Variants in ZSCAN18 observed in about 807,000 individuals in gnomAD.
The protein encoded by ZSCAN18 is zinc finger and SCAN domain-containing protein 18.
ZSCAN18 carries 16 observed loss-of-function variants against 31.1 expected under a neutral mutation model. The ratio of observed to expected loss-of-function variants is 0.51; its 90% CI spans 0.35 to 0.78. The LOEUF (loss-of-function observed/expected upper bound fraction) is 0.78. Among genes scored for constraint, ZSCAN18 ranks in the 30% least tolerant of loss-of-function variants. The pLI, the probability that ZSCAN18 is intolerant of heterozygous loss-of-function variation, is 0.01. For synonymous variants in ZSCAN18, 375 were observed against 320.7 expected, an observed-to-expected ratio of 1.17 and a Z score of -1.81; for missense variants, 731 against 697.4, an observed-to-expected ratio of 1.05 and a Z score of -0.54.
upstream of ZSCAN18, among the ~76,000 whole-genome samples, chr19:58,099,967 T>TTG (rs1387302579): frequency 4.7e-5 from 7 of 149,376 alleles, no homozygotes; most frequent in Non-Finnish European, 8.9e-5. Context: ...AAGCTATGTT[T>TTG]TTTTTTTTTT....
At chr19:58,114,842 T>C (rs2074717169) in intron 1 of ZSCAN18, among the ~76,000 whole-genome samples, 1 of 152,200 alleles carries the variant, frequency 6.6e-6, no homozygotes, top group African/African-American at 2.4e-5. Context: ...AGGGGAAATA[T>C]AAATGCCTCC....
At chr19:58,094,419 A>AAG (rs1555801616) in intron 1 of ZSCAN18, among the ~76,000 whole-genome samples, 3 of 151,200 alleles carry the variant, frequency 2.0e-5, no homozygotes, top group Non-Finnish European at 1.5e-5. Flanking sequence ...TCAAAAAAAA[A>AAG]AAAAAGAAAT....
intron 1 of ZSCAN18, among the ~76,000 whole-genome samples, chr19:58,114,470 T>G (rs922431628): frequency 6.6e-6 from 1 of 152,114 alleles, no homozygotes; most frequent in East Asian, 1.9e-4. Flanking sequence ...TTGTAATAAA[T>G]ATATATACAT....
chr19:58,101,516 CTTCTTTT>C (rs141484922), upstream of ZSCAN18, among the ~76,000 whole-genome samples: 70,337 of 129,534 alleles, frequency 0.54, 18,325 homozygotes, highest in Middle Eastern at 0.67. Flanking sequence ...ACTTTATCTT[CTTCTTTT>C]TTTTTTTTTT....
upstream of ZSCAN18, chr19:58,098,313 G>C (rs1400539224): frequency 7.1e-6 from 7 of 985,494 alleles, no homozygotes; most frequent in Non-Finnish European, 8.4e-6. Flanking sequence ...CGCGCACCGG[G>C]GCGAGCAAGG....
At chr19:58,109,228 T>C (rs2074659806) in intron 1 of ZSCAN18, 3 of 1,231,612 alleles carry the variant, frequency 2.4e-6, no homozygotes, top group Non-Finnish European at 3.0e-6. Flanking sequence ...TGAACCTTTT[T>C]ATTTTCACCA....
chr19:58,101,302 T>A (rs1385584337), upstream of ZSCAN18, among the ~76,000 whole-genome samples: 1 of 52,938 alleles, frequency 1.9e-5, no homozygotes, highest in Admixed American at 1.9e-4. Flanking sequence ...CCAGCTAATT[T>A]TTTTTTTTTT....
chr19:58,116,675 C>T lies in ZSCAN18; in HGVS notation c.130+1592G>A, dbSNP rs1600020655. Among the ~76,000 whole-genome samples the T allele has an allele frequency of 2.0e-5, 3 of 152,262 alleles. No individual in the cohort carries two copies. The South Asian group carries it at 6.2e-4, about 32-fold the overall frequency. ...CCTGATGCAAGCTCCATCATCATCA[C>T]CTGCAACCCAGCAGCAAACAGTCCT... On this transcript the variant is annotated intron_variant, in intron 1 of 1. Coordinates refer to the ZSCAN18 transcript ENST00000595721.
Position 58,084,627 on chromosome 19 carries a change from C to T in ZSCAN18, c.*58G>A, listed in dbSNP as rs2074221229. ...CCAGGGGCGTGGAAAGGCCCAATGC[C>T]TCGTCTGGGATTCACGGCCGGCAAA... On this transcript the variant is annotated 3_prime_UTR_variant, in exon 7 of 7. Coordinates refer to ENST00000601144, the MANE Select transcript of ZSCAN18 (RefSeq NM_001145543.2). This position sits in a 1 kb window ranked among gnomAD's most constrained non-coding sequence, Gnocchi z 4.5. 2.1e-6 allele frequency: 3 copies of T among 1,414,666 alleles called. No individual in the cohort carries two copies. The African/African-American group carries it at 4.4e-5, about 21-fold the overall frequency. The allele number at this position is 1,414,666 out of a possible 1,614,324, so 87.6% of individuals were successfully genotyped here. A position where few individuals can be genotyped will look rare whatever the true frequency, so the allele number is the denominator to read the frequency against.
At chr19:58,086,330 G>A in intron 5 of ZSCAN18, 64 bp from the exon 6 acceptor site, 2 of 1,493,214 alleles carry the variant, frequency 1.3e-6, no homozygotes, top group Non-Finnish European at 1.9e-6. Flanking sequence ...TGGGTGTTGT[G>A]TGTCGTGGGC....
chr19:58,107,657 TTAC>T (rs1195888367), intron 1 of ZSCAN18: 2 of 985,988 alleles, frequency 2.0e-6, no homozygotes, highest in African/African-American at 3.5e-5. Context: ...AACATATTTG[TTAC>T]TTTCAAACAA....
In ZSCAN18 at chr19:58,088,743, G is replaced by A. The variant is rs756986903; in HGVS notation, c.498C>T (p.Leu166=). The A allele has an allele frequency of 1.2e-5, 20 of 1,607,760 alleles. No homozygotes were observed. The highest frequency in any genetic ancestry group is 7.7e-5 in the South Asian group (7 of 91,066). The change falls in exon 3 of 7, where the codon CTC becomes CTT. Residue 166 remains leucine (L), a synonymous_variant. Coordinates refer to ENST00000601144, the MANE Select transcript of ZSCAN18 (RefSeq NM_001145543.2). ...CTCCAAGGGCCTGGCTGGGGCTCGC[G>A]AGCTCGCCTGGTAGCAGCAGAGGGT... ...HMDPLLLPGE[L]ASPSQALGAG...
At chr19:58,104,556 G>T (rs576848150) in intron 1 of ZSCAN18, among the ~76,000 whole-genome samples, 2 of 151,992 alleles carry the variant, frequency 1.3e-5, no homozygotes, top group East Asian at 3.9e-4. Context: ...AAAAAAATTA[G>T]CCAGGCATGG....
At chr19:58,093,231 GGA>G (rs931485949) in intron 1 of ZSCAN18, 1 of 152,380 alleles carries the variant, frequency 6.6e-6, no homozygotes, top group African/African-American at 2.4e-5. Context: ...TGCATACCCA[GGA>G]GAGTAAGGGT....
Position 58,085,618 on chromosome 19 carries a change from C to T in ZSCAN18, c.839-239G>A, listed in dbSNP as rs1475421047. ...CCAACAACGGAGGCCACCGACAGGA[C>T]AGGAAGGACAGCCCCACTGAGCCCG... On this transcript the variant is annotated intron_variant, in intron 6 of 6. Coordinates refer to ENST00000601144, the MANE Select transcript of ZSCAN18 (RefSeq NM_001145543.2). The T allele has an allele frequency of 1.9e-5, 10 of 528,220 alleles. No homozygotes were observed. In the African/African-American group the frequency reaches 2.0e-4, roughly 11 times the overall value. The allele number at this position is 528,220 out of a possible 1,614,324, so 32.7% of individuals were successfully genotyped here.
intron 2 of ZSCAN18, 83 bp from the exon 3 acceptor site, chr19:58,088,920 GCAGGCTC>G: frequency 7.1e-7 from 1 of 1,405,654 alleles, no homozygotes; most frequent in Non-Finnish European, 9.7e-7. Flanking sequence ...ACAGGGACCT[GCAGGCTC>G]CAGGGCCACA....
intron 1 of ZSCAN18, among the ~76,000 whole-genome samples, chr19:58,096,167 G>A (rs2074516623): frequency 6.6e-6 from 1 of 152,182 alleles, no homozygotes; most frequent in Admixed American, 6.5e-5. Flanking sequence ...AGGAGTTGGA[G>A]GCTGTGATTG....
chr19:58,104,947 G>A (rs1433200873), intron 1 of ZSCAN18, among the ~76,000 whole-genome samples: 1 of 152,170 alleles, frequency 6.6e-6, no homozygotes, highest in Non-Finnish European at 1.5e-5. Flanking sequence ...GAAATGCCAG[G>A]TAGTGTTTTC....
At chr19:58,098,683 G>C (rs994169253), upstream of ZSCAN18, among the ~76,000 whole-genome samples, 2 of 152,160 alleles carry the variant, frequency 1.3e-5, no homozygotes, top group African/African-American at 4.8e-5. Flanking sequence ...TCAAGAAAGG[G>C]AAAGACCAGC....
Sources: gnomAD v4.1 joint callset for allele counts (sites outside exome capture counted in the v4.1 genomes callset) on GRCh38, gnomAD v4.1.1 for gene constraint, Gnocchi (gnomAD v3.1) non-coding constraint, MANE v1.5 for transcripts, NCBI Gene and HGNC (gene_info 2026-07-23, HGNC 2026-07-21) for gene names.